The following SEMA3A variants were observed in gnomAD, a reference collection of about 807,000 sequenced individuals.
SEMA3A encodes semaphorin 3A, also known as semaphorin-3A.
SEMA3A carries 29 observed loss-of-function variants against 97.9 expected under a neutral mutation model. The ratio of observed to expected loss-of-function variants is 0.30; its 90% CI spans 0.22 to 0.40. SEMA3A has a LOEUF of 0.40. Ranked by LOEUF, SEMA3A falls within the 10% of genes least tolerant of loss-of-function variation. SEMA3A has a pLI of 1.00. For synonymous variants in SEMA3A, 321 were observed against 323.7 expected, an observed-to-expected ratio of 0.99 and a Z score of 0.09; for missense variants, 763 against 951.3, an observed-to-expected ratio of 0.80 and a Z score of 2.60.
intron 1 of SEMA3A, among the ~76,000 whole-genome samples, chr7:84,414,208 G>A (rs1562939016): frequency 6.6e-6 from 1 of 151,864 alleles, no homozygotes; most frequent in Non-Finnish European, 1.5e-5. Flanking sequence ...TTTGAAATCT[G>A]GAAGCTATGC....
intron 6 of SEMA3A, among the ~76,000 whole-genome samples, chr7:84,045,256 G>A (rs1212881040): frequency 6.6e-6 from 1 of 151,928 alleles, no homozygotes; most frequent in African/African-American, 2.4e-5. Flanking sequence ...GCATCTTACT[G>A]AGAACATGAC....
intron 1 of SEMA3A, among the ~76,000 whole-genome samples, chr7:84,399,536 T>C (rs1425402575): frequency 2.0e-5 from 3 of 150,526 alleles, no homozygotes; most frequent in Admixed American, 1.3e-4. Context: ...GATGAAAGAG[T>C]GAAGAATACA....
chr7:84,339,739 A>G (rs1037982602), intron 2 of SEMA3A, among the ~76,000 whole-genome samples: 1 of 152,138 alleles, frequency 6.6e-6, no homozygotes, highest in African/African-American at 2.4e-5. Context: ...TTTTTCCTTG[A>G]TAAGTACAGT....
rs955369343 is a variant in SEMA3A, at chr7:84,148,289, C to G, written c.113-13338G>C. Among the ~76,000 whole-genome samples the G allele has an allele frequency of 9.9e-5, 15 of 152,016 alleles. 1 individual carries two copies. The highest frequency in any genetic ancestry group is 3.6e-4 in the African/African-American group (15 of 41,454). ...GAGAACATTGATATGGCATTCCTAGCTATGTCCTGCACCTTTATCTAGAAT... is the reference window on the plus strand; with the variant it reads ...GAGAACATTGATATGGCATTCCTAGGTATGTCCTGCACCTTTATCTAGAAT... On this transcript the variant is annotated intron_variant, in intron 1 of 16. Transcript: ENST00000265362.
At chr7:84,350,534 A>G (rs1316756857) in intron 2 of SEMA3A, among the ~76,000 whole-genome samples, 2 of 152,190 alleles carry the variant, frequency 1.3e-5, no homozygotes, top group African/African-American at 4.8e-5. Context: ...ACATCTGCAC[A>G]GATATTGTTA....
At chr7:84,170,319 AAAATGTATATGATGTGCAGCTACTGC>A (rs1358704265) in intron 1 of SEMA3A, among the ~76,000 whole-genome samples, 2 of 152,044 alleles carry the variant, frequency 1.3e-5, no homozygotes, top group African/African-American at 2.4e-5. Context: ...ACACAAAATT[AAAATGTATATGATGTGCAGCTACTGC>A]AATTTCTCAA....
At chr7:83,980,341 G>A (rs1050843238) in intron 14 of SEMA3A, among the ~76,000 whole-genome samples, 13 of 151,618 alleles carry the variant, frequency 8.6e-5, no homozygotes, top group Non-Finnish European at 1.9e-4. Context: ...AGTGGCACAC[G>A]ACTGTAATCC....
intron 2 of SEMA3A, among the ~76,000 whole-genome samples, chr7:84,133,801 A>G (rs2116039260): frequency 6.6e-6 from 1 of 151,164 alleles, no homozygotes; most frequent in Admixed American, 6.6e-5. Flanking sequence ...CTGTAATCCC[A>G]GCACTTTGAG....
At chr7:84,252,530 A>G (rs1799632140) in intron 3 of SEMA3A, among the ~76,000 whole-genome samples, 1 of 152,208 alleles carries the variant, frequency 6.6e-6, no homozygotes, top group Non-Finnish European at 1.5e-5. Context: ...ACCTGTCATA[A>G]AAATTACTGC....
intron 1 of SEMA3A, among the ~76,000 whole-genome samples, chr7:84,149,967 G>T (rs1392343001): frequency 6.6e-6 from 1 of 152,150 alleles, no homozygotes; most frequent in Non-Finnish European, 1.5e-5. Flanking sequence ...TACTAAGGTT[G>T]CTGATTTCTT....
intron 1 of SEMA3A, among the ~76,000 whole-genome samples, chr7:84,426,273 T>TAGAC (rs72172820): frequency 4.3e-5 from 6 of 139,324 alleles, no homozygotes; most frequent in Admixed American, 2.1e-4. Context: ...TATAGATATA[T>TAGAC]AGACAGATAG....
At chr7:83,990,059 T>C (rs1267680934) in intron 12 of SEMA3A, among the ~76,000 whole-genome samples, 1 of 152,042 alleles carries the variant, frequency 6.6e-6, no homozygotes, top group Non-Finnish European at 1.5e-5. Flanking sequence ...TGCATTTCTC[T>C]GATGGCCAGT....
At chr7:84,190,698 T>C (rs1441160617) in intron 1 of SEMA3A, among the ~76,000 whole-genome samples, 2 of 147,968 alleles carry the variant, frequency 1.4e-5, no homozygotes, top group African/African-American at 4.9e-5. Context: ...ACACCCACTC[T>C]ATTATTTATA....
At chr7:84,004,780 T>G (rs1354580703) in intron 11 of SEMA3A, among the ~76,000 whole-genome samples, 4 of 152,224 alleles carry the variant, frequency 2.6e-5, no homozygotes, top group Non-Finnish European at 4.4e-5. Flanking sequence ...TGGAAGAATA[T>G]TCATGTTATT....
rs773185532 is a variant in SEMA3A at position 84,007,362 on chromosome 7, C to A, written c.1131G>T (p.Arg377=). Residue 377 remains arginine (R), a synonymous_variant, in exon 10 of 17, where the codon CGG becomes CGT. Coordinates refer to ENST00000265362, the MANE Select transcript of SEMA3A (RefSeq NM_006080.3). ...CACCTAAGCTACTTACAGTTCCTGG[C>A]CGTGGATAGGGGACTCTTCCTTGAT... is the stretch of plus-strand genomic sequence containing the variant. The part of the protein sequence containing the change: ...VPYQGRVPYP[R]PGTCPSKTFG... The A allele has an allele frequency of 6.2e-7, 1 of 1,600,414 alleles. No individual in the cohort carries two copies. The highest frequency in any genetic ancestry group is 2.3e-5 in the East Asian group (1 of 44,070).
intron 3 of SEMA3A, among the ~76,000 whole-genome samples, chr7:84,284,013 A>ATTTTT (rs1800520323): frequency 6.6e-6 from 1 of 152,184 alleles, no homozygotes; most frequent in African/African-American, 2.4e-5. Context: ...TGGAGAGGCA[A>ATTTTT]TAAATGCTAA....
At chr7:84,377,214 T>A (rs1250976556) in intron 1 of SEMA3A, among the ~76,000 whole-genome samples, 1 of 151,606 alleles carries the variant, frequency 6.6e-6, no homozygotes, top group Non-Finnish European at 1.5e-5. Flanking sequence ...GAGATAGGGG[T>A]CTAGTTTCAT....
At chr7:84,321,763 C>A (rs1214067398) in intron 2 of SEMA3A, among the ~76,000 whole-genome samples, 2 of 150,122 alleles carry the variant, frequency 1.3e-5, no homozygotes, top group Non-Finnish European at 3.0e-5. Context: ...CTAGTCTCAG[C>A]TACTTGATAG....
chr7:84,333,828 CAGGGA>C (rs1447345818), intron 2 of SEMA3A, among the ~76,000 whole-genome samples: 16 of 152,044 alleles, frequency 1.1e-4, no homozygotes, highest in Non-Finnish European at 1.5e-5. Context: ...CTTGGGGCAT[CAGGGA>C]AGTTATTTTT....
Sources: gnomAD v4.1 joint callset for allele counts (sites outside exome capture counted in the v4.1 genomes callset) on GRCh38, gnomAD v4.1.1 for gene constraint, MANE v1.5 for transcripts, NCBI Gene and HGNC (gene_info 2026-07-23, HGNC 2026-07-21) for gene names.